Variants in SYT9 observed in about 807,000 individuals in gnomAD.
The protein encoded by SYT9 is synaptotagmin 9.
Under a neutral mutation model 48.4 loss-of-function variants are expected in SYT9, and 22 were observed. The ratio of observed to expected loss-of-function variants is 0.45; its 90% CI spans 0.32 to 0.65. The LOEUF (loss-of-function observed/expected upper bound fraction) is 0.65. SYT9 is among the 30% of genes least tolerant of loss of function. The pLI, the probability that SYT9 is intolerant of heterozygous loss-of-function variation, is 0.03. For synonymous variants in SYT9, 265 were observed against 245.0 expected (o/e 1.08, Z -0.76); for missense variants, 577 against 622.0 (o/e 0.93, Z 0.77).
chr11:7,252,366 G>C lies in SYT9; in HGVS notation c.145+35G>C. ...GCCACCGCCGCCTGGAGGGACCTAA[G>C]GGCCCTGGGCTGGGACTTGGGGCCG... On this transcript the variant is annotated intron_variant, in intron 1 of 6. Transcript: ENST00000318881. The surrounding 1 kb of genome is among the most constrained non-coding windows in gnomAD (Gnocchi z 6.3). The C allele has an allele frequency of 2.1e-6, 3 of 1,406,300 alleles. No individual in the cohort carries two copies. The highest frequency in any genetic ancestry group is 3.2e-5 in the South Asian group (2 of 62,818). 87.1% of individuals were successfully genotyped at this position (1,406,300 alleles called of 1,614,324 possible).
intron 6 of SYT9, chr11:7,427,664 TAAA>T (rs776402607): frequency 5.3e-5 from 8 of 152,182 alleles, no homozygotes; most frequent in Non-Finnish European, 1.2e-4. Context: ...CCTGTGAAGA[TAAA>T]GAAGAGAAAA....
chr11:7,407,322 G>A (rs934201125), intron 3 of SYT9, among the ~76,000 whole-genome samples: 4 of 142,694 alleles, frequency 2.8e-5, no homozygotes, highest in African/African-American at 9.9e-5. Flanking sequence ...CATTTTTTTA[G>A]TAGTTTTACA....
At chr11:7,415,475 G>A (rs1425678433) in intron 3 of SYT9, among the ~76,000 whole-genome samples, 2 of 152,100 alleles carry the variant, frequency 1.3e-5, no homozygotes, top group Non-Finnish European at 2.9e-5. Context: ...GGAGGATATG[G>A]TCGCAAGTTT....
chr11:7,397,485 A>C (rs1345577915), intron 3 of SYT9, among the ~76,000 whole-genome samples: 1 of 152,114 alleles, frequency 6.6e-6, no homozygotes, highest in Non-Finnish European at 1.5e-5. Context: ...GCTTTTTCAA[A>C]ATAAGTTTGA....
chr11:7,343,089 T>A (rs1228865500), intron 3 of SYT9, among the ~76,000 whole-genome samples: 2 of 152,200 alleles, frequency 1.3e-5, no homozygotes, highest in African/African-American at 4.8e-5. Flanking sequence ...GACCCATTTT[T>A]TATCCTAGGC....
At chr11:7,245,459 G>A (rs11041278) in intron 1 of SYT9, among the ~76,000 whole-genome samples, 6,102 of 150,496 alleles carry the variant, frequency 0.041, 171 homozygotes, top group East Asian at 0.12. Flanking sequence ...TTTGAGTCAG[G>A]GTTCTATTCC....
intron 3 of SYT9, among the ~76,000 whole-genome samples, chr11:7,387,590 C>G (rs1394910135): frequency 6.6e-6 from 1 of 152,110 alleles, no homozygotes; most frequent in Non-Finnish European, 1.5e-5. Flanking sequence ...ACTAAGACCT[C>G]AAATACAATG....
chr11:7,279,601 A>G (rs1390324141), intron 1 of SYT9, among the ~76,000 whole-genome samples: 3 of 152,186 alleles, frequency 2.0e-5, no homozygotes, highest in Non-Finnish European at 4.4e-5. Context: ...TTTATTTAAA[A>G]TGCCCCATCC....
chr11:7,286,921 C>T (rs569611771), intron 1 of SYT9, among the ~76,000 whole-genome samples: 2 of 152,240 alleles, frequency 1.3e-5, no homozygotes, highest in African/African-American at 2.4e-5. Context: ...AACTTTCCCA[C>T]ATCTTCCTGT....
Position 7,369,181 on chromosome 11 carries a change from G to T in SYT9, c.1045-46861G>T, listed in dbSNP as rs368590226. Among the ~76,000 whole-genome samples the T allele has an allele frequency of 1.3e-4, 20 of 152,260 alleles. No individual in the cohort carries two copies. In the South Asian group the frequency reaches 4.1e-3, roughly 32 times the overall value. On this transcript the variant is annotated intron_variant, in intron 3 of 6. Transcript: ENST00000318881. Reference sequence around the variant, plus strand: ...CTTTTTAATAACCAACATTCTAACTGGCGTGAGATGGTATCTCACTGTGGT... The same window carrying T: ...CTTTTTAATAACCAACATTCTAACTTGCGTGAGATGGTATCTCACTGTGGT...
rs779355365 is a variant in SYT9, at chr11:7,313,466, A to G, written c.569A>G (p.Glu190Gly). The G allele has an allele frequency of 1.2e-6, 2 of 1,614,144 alleles. No individual in the cohort carries two copies. Among genetic ancestry groups the G allele is most frequent in the East Asian group, 4.5e-5 (2 of 44,882 alleles). ...DFNIQQLQKQ[E>G]QLTGIGRIKP... ...AATATCCAGCAGCTTCAAAAACAGG[A>G]ACAGTTGACTGGAATTGGTAGAATT... Residue 190 changes from glutamate to glycine, a missense_variant, in exon 3 of 7, where the codon GAA (glutamate) becomes GGA (glycine). By Grantham distance (98) the Glu-to-Gly change is moderately conservative. Coordinates refer to ENST00000318881, the MANE Select transcript of SYT9 (RefSeq NM_175733.4).
chr11:7,450,849 A>G (rs1194116696), intron 6 of SYT9, among the ~76,000 whole-genome samples: 1 of 152,210 alleles, frequency 6.6e-6, no homozygotes, highest in Non-Finnish European at 1.5e-5. Context: ...GTGCTGGTCA[A>G]GCGGCTTTGA....
Position 7,370,520 on chromosome 11 carries a change from T to C in SYT9, c.1045-45522T>C, listed in dbSNP as rs752424506. 4.7e-4 allele frequency among the ~76,000 whole-genome samples: 72 copies of C among 152,118 alleles called. 1 individual carries two copies. The highest frequency in any genetic ancestry group is 5.2e-4 in the Admixed American group (8 of 15,264). Reference sequence around the variant, plus strand: ...TTTCAAAATTAGACTGTGATGATGGTTGGAAAATTCGGTGAGCATACTAAA... The same window carrying C: ...TTTCAAAATTAGACTGTGATGATGGCTGGAAAATTCGGTGAGCATACTAAA... On this transcript the variant is annotated intron_variant, in intron 3 of 6. Transcript: ENST00000318881.
At chr11:7,442,386 G>A (rs758911546) in intron 6 of SYT9, among the ~76,000 whole-genome samples, 9 of 152,150 alleles carry the variant, frequency 5.9e-5, no homozygotes, top group South Asian at 2.1e-4. Context: ...TGTCAGACCC[G>A]TCTTTCGGAA....
chr11:7,316,321 A>G (rs776577913), intron 3 of SYT9, among the ~76,000 whole-genome samples: 8 of 152,082 alleles, frequency 5.3e-5, no homozygotes, highest in Non-Finnish European at 8.8e-5. Context: ...TTTTACTTAT[A>G]TCATCATATA....
At chr11:7,303,703 A>C (rs978570410) in intron 2 of SYT9, among the ~76,000 whole-genome samples, 2 of 152,214 alleles carry the variant, frequency 1.3e-5, no homozygotes, top group African/African-American at 4.8e-5. Context: ...CAGCAGAAGA[A>C]ACTTAAGTCA....
intron 3 of SYT9, among the ~76,000 whole-genome samples, chr11:7,392,749 T>C (rs1275082372): frequency 6.6e-6 from 1 of 152,194 alleles, no homozygotes; most frequent in Admixed American, 6.5e-5. Context: ...TGGAATATTT[T>C]TTCATTTGTA....
chr11:7,266,378 A>T (rs541079276), intron 1 of SYT9, among the ~76,000 whole-genome samples: 1 of 152,266 alleles, frequency 6.6e-6, no homozygotes, highest in South Asian at 2.1e-4. Flanking sequence ...TACAAAGAGA[A>T]CTAGAAAGTC....
intron 2 of SYT9, 32 bp from the exon 3 acceptor site, chr11:7,313,363 A>G (rs1589936817): frequency 1.3e-5 from 21 of 1,568,036 alleles, no homozygotes; most frequent in Non-Finnish European, 1.6e-5. Context: ...TAATAAGGTT[A>G]TAACTTTGTT....
Sources: gnomAD v4.1 joint callset for allele counts (sites outside exome capture counted in the v4.1 genomes callset) on GRCh38, gnomAD v4.1.1 for gene constraint, Gnocchi (gnomAD v3.1) non-coding constraint, MANE v1.5 for transcripts, NCBI Gene and HGNC (gene_info 2026-07-23, HGNC 2026-07-21) for gene names.